XKR4: variants seen among roughly 807,000 people sequenced by gnomAD.
XKR4 encodes the protein XK-related protein 4.
A neutral mutation model predicts 53.9 loss-of-function variants in XKR4; 12 were observed. That is an observed-to-expected ratio of 0.22 (90% CI 0.14 to 0.36). XKR4 has a LOEUF of 0.36. Among genes scored for constraint, XKR4 ranks in the 10% least tolerant of loss-of-function variants. XKR4 has a pLI of 1.00. For synonymous variants in XKR4, 354 were observed against 362.4 expected (o/e 0.98, Z 0.26); for missense variants, 799 against 859.5 (o/e 0.93, Z 0.88).
chr8:55,512,673 A>G (rs1806646822), intron 2 of XKR4, among the ~76,000 whole-genome samples: 1 of 152,146 alleles, frequency 6.6e-6, no homozygotes, highest in Non-Finnish European at 1.5e-5. Context: ...TTATGAGAGG[A>G]AAGAATTGAG....
chr8:55,302,959 T>C (rs934451527), intron 1 of XKR4, among the ~76,000 whole-genome samples: 11 of 152,220 alleles, frequency 7.2e-5, no homozygotes, highest in Non-Finnish European at 1.6e-4. Context: ...CAATTTGACT[T>C]CCTCTTTTCC....
intron 1 of XKR4, among the ~76,000 whole-genome samples, chr8:55,176,324 G>A (rs1009106988): frequency 3.3e-5 from 5 of 152,194 alleles, no homozygotes; most frequent in Admixed American, 1.3e-4. Flanking sequence ...TTCACTGTGG[G>A]GTTCGCTCTG....
intron 2 of XKR4, among the ~76,000 whole-genome samples, chr8:55,477,414 A>G (rs1806010822): frequency 6.6e-6 from 1 of 152,158 alleles, no homozygotes; most frequent in Non-Finnish European, 1.5e-5. Flanking sequence ...GTACGTCAAC[A>G]TCAACAAAGA....
intron 1 of XKR4, among the ~76,000 whole-genome samples, chr8:55,171,231 G>A (rs1817151681): frequency 6.6e-6 from 1 of 152,318 alleles, no homozygotes; most frequent in African/African-American, 2.4e-5. Context: ...AAATATTTGT[G>A]AGGTGTTAAT....
At position 55,528,515 on chromosome 8, in the gene XKR4, C is replaced by T. The variant is rs1158129829; in HGVS notation, c.*4288C>T. 6.6e-6 allele frequency: 1 copy of T among 152,222 alleles called. No individual in the cohort carries two copies. Among genetic ancestry groups the T allele is most frequent in the Non-Finnish European group, 1.5e-5 (1 of 68,034 alleles). 9.4% of individuals were successfully genotyped at this position (152,222 alleles called of 1,614,324 possible). A position where few individuals can be genotyped will look rare whatever the true frequency, so the allele number is the denominator to read the frequency against. ...TCTAGACTAAATATATGCTCCCTTG[C>T]ATTTTCCACATATCTTTGCCATTAG... On this transcript the variant is annotated 3_prime_UTR_variant, in exon 3 of 3. Transcript: ENST00000327381.
At chr8:55,141,537 G>C (rs1472347374) in intron 1 of XKR4, among the ~76,000 whole-genome samples, 1 of 152,074 alleles carries the variant, frequency 6.6e-6, no homozygotes, top group Admixed American at 6.5e-5. Context: ...AGTGGGGGAA[G>C]GCCAGGGGAA....
intron 1 of XKR4, among the ~76,000 whole-genome samples, chr8:55,311,297 A>G (rs6998105): frequency 0.12 from 18,372 of 152,216 alleles, 1,806 homozygotes; most frequent in African/African-American, 0.26. Context: ...CAATTGCTAA[A>G]GAACTCCCAG....
intron 1 of XKR4, among the ~76,000 whole-genome samples, chr8:55,258,943 T>C (rs949416248): frequency 3.3e-5 from 5 of 152,180 alleles, no homozygotes; most frequent in African/African-American, 9.7e-5. Context: ...CTCCTTCTTT[T>C]GGATGGATGG....
chr8:55,436,046 G>A (rs1404814032), intron 2 of XKR4, among the ~76,000 whole-genome samples: 3 of 152,000 alleles, frequency 2.0e-5, no homozygotes, highest in Non-Finnish European at 4.4e-5. Context: ...TTTCTCAAAC[G>A]CTGCATATTT....
At chr8:55,242,810 C>G (rs1818229280) in intron 1 of XKR4, among the ~76,000 whole-genome samples, 1 of 151,936 alleles carries the variant, frequency 6.6e-6, no homozygotes, top group African/African-American at 2.4e-5. Flanking sequence ...AGAGATGTGT[C>G]CAGAGAGTTC....
In XKR4 at chr8:55,534,672, G is replaced by A. The variant is rs62516368; in HGVS notation, c.*10445G>A. 5,042 of 151,418 alleles carry A rather than the reference G, an allele frequency of 0.033. 130 individuals are homozygous for A. The highest frequency in any genetic ancestry group is 0.046 in the Non-Finnish European group (3,156 of 67,920). The allele number at this position is 151,418 out of a possible 1,614,324, so 9.4% of individuals were successfully genotyped here. On this transcript the variant is annotated 3_prime_UTR_variant, in exon 3 of 3. Coordinates refer to ENST00000327381, the MANE Select transcript of XKR4 (RefSeq NM_052898.2). ...TTACAGGCGTGAGCCACCACACCCG[G>A]CCCCGATATTCTTAATGACTAAATT...
chr8:55,362,491 C>T (rs935917767), intron 2 of XKR4, among the ~76,000 whole-genome samples: 1 of 152,082 alleles, frequency 6.6e-6, no homozygotes, highest in African/African-American at 2.4e-5. Context: ...AGGGGGAGAG[C>T]ATTTTAGACA....
At chr8:55,136,131 A>C (rs186629630) in intron 1 of XKR4, among the ~76,000 whole-genome samples, 1 of 152,164 alleles carries the variant, frequency 6.6e-6, no homozygotes, top group East Asian at 1.9e-4. Context: ...TGACCTTGTG[A>C]TCCGCCCCCC....
chr8:55,431,702 G>A (rs79020306), intron 2 of XKR4, among the ~76,000 whole-genome samples: 2,445 of 152,238 alleles, frequency 0.016, 74 homozygotes, highest in African/African-American at 0.056. Flanking sequence ...GAAATCAGAC[G>A]TTTCAGTTCC....
At chr8:55,497,105 C>T (rs1806363378) in intron 2 of XKR4, among the ~76,000 whole-genome samples, 1 of 152,192 alleles carries the variant, frequency 6.6e-6, no homozygotes, top group South Asian at 2.1e-4. Context: ...TGTCTCTTCT[C>T]TTCACTGATC....
chr8:55,275,884 G>A (rs370847222), intron 1 of XKR4, among the ~76,000 whole-genome samples: 1 of 152,188 alleles, frequency 6.6e-6, no homozygotes, highest in Admixed American at 6.5e-5. Flanking sequence ...AGGACCATGA[G>A]CCGGGACTGT....
chr8:55,210,300 T>C (rs1412272087), intron 1 of XKR4, among the ~76,000 whole-genome samples: 3 of 152,136 alleles, frequency 2.0e-5, no homozygotes, highest in South Asian at 4.2e-4. Flanking sequence ...CCCAGGCTGG[T>C]CTCGAACTCC....
intron 1 of XKR4, among the ~76,000 whole-genome samples, chr8:55,182,105 G>A (rs7341561): frequency 0.21 from 31,107 of 151,198 alleles, 3,798 homozygotes; most frequent in Middle Eastern, 0.36. Flanking sequence ...CAAATTTTTC[G>A]TTTTCTTATT....
At chr8:55,472,180 G>A (rs1281811871) in intron 2 of XKR4, among the ~76,000 whole-genome samples, 1 of 152,110 alleles carries the variant, frequency 6.6e-6, no homozygotes, top group East Asian at 1.9e-4. Flanking sequence ...TAAAGATACA[G>A]TTTTAGGGTC....
Sources: gnomAD v4.1 joint callset for allele counts (sites outside exome capture counted in the v4.1 genomes callset) on GRCh38, gnomAD v4.1.1 for gene constraint, MANE v1.5 for transcripts, NCBI Gene and HGNC (gene_info 2026-07-23, HGNC 2026-07-21) for gene names.